The following MROH1 variants were observed in gnomAD, a reference collection of about 807,000 sequenced individuals.
MROH1 encodes maestro heat-like repeat-containing protein family member 1.
In MROH1, 117 loss-of-function variants were observed where a neutral mutation model predicts 116.5. The observed-to-expected ratio is 1.00, with a 90% CI of 0.86 to 1.17. The LOEUF is 1.17. MROH1 is among the 50% of genes most tolerant of loss of function. MROH1 has a pLI of 0.00. For synonymous variants in MROH1, 921 were observed against 583.9 expected, an observed-to-expected ratio of 1.58 and a Z score of -8.32; for missense variants, 1,873 against 1,338.5, an observed-to-expected ratio of 1.40 and a Z score of -6.23.
chr8:144,258,423 G>T (rs969385039), intron 35 of MROH1, among the ~76,000 whole-genome samples: 109 of 152,334 alleles, frequency 7.2e-4, no homozygotes, highest in Middle Eastern at 3.4e-3. Context: ...AACAGGCCCG[G>T]GGTGGGGGGC....
At chr8:144,258,681 G>A (rs1301372616) in intron 35 of MROH1, 96 bp from the exon 36 acceptor site, 8 of 699,090 alleles carry the variant, frequency 1.1e-5, no homozygotes, top group Non-Finnish European at 2.1e-5. Context: ...TAGCCACCAG[G>A]TGGGCAACAC....
intron 12 of MROH1, among the ~76,000 whole-genome samples, chr8:144,211,210 C>A (rs553776110): frequency 4.6e-5 from 7 of 152,184 alleles, no homozygotes; most frequent in South Asian, 2.1e-4. Context: ...CAAGCTCAGT[C>A]CCTTGGGCAA....
intron 1 of MROH1, among the ~76,000 whole-genome samples, chr8:144,156,568 G>T (rs1405639945): frequency 4.0e-5 from 6 of 151,504 alleles, no homozygotes; most frequent in African/African-American, 1.4e-4. Flanking sequence ...AATTAGCCAG[G>T]CGTGATGGTG....
At chr8:144,172,513 G>A (rs934681536) in intron 4 of MROH1, among the ~76,000 whole-genome samples, 1 of 151,350 alleles carries the variant, frequency 6.6e-6, no homozygotes, top group African/African-American at 2.4e-5. Context: ...CTGGGTTCAA[G>A]CGATTCTCCT....
At chr8:144,175,278 C>A in intron 4 of MROH1, 1 of 579,076 alleles carries the variant, frequency 1.7e-6, no homozygotes, top group Non-Finnish European at 2.2e-6. Flanking sequence ...CCTGCTGCAC[C>A]CAAGCTGCCC....
At chr8:144,242,840 G>A (rs1360467974) in intron 24 of MROH1, among the ~76,000 whole-genome samples, 2 of 152,198 alleles carry the variant, frequency 1.3e-5, no homozygotes, top group African/African-American at 4.8e-5. Flanking sequence ...AGGCGTCTGC[G>A]CCTCCGAGGG....
At chr8:144,175,664 C>A (rs1587895833) in intron 4 of MROH1, 1 of 553,396 alleles carries the variant, frequency 1.8e-6, no homozygotes, top group Non-Finnish European at 2.3e-6. Flanking sequence ...GGGCACACGC[C>A]TGTAATCCCA....
intron 12 of MROH1, among the ~76,000 whole-genome samples, chr8:144,209,602 A>G (rs532964142): frequency 6.6e-6 from 1 of 151,458 alleles, no homozygotes; most frequent in South Asian, 2.1e-4. Flanking sequence ...GAAAAAAGAA[A>G]AATCGTTAGT....
intron 3 of MROH1, among the ~76,000 whole-genome samples, chr8:144,164,297 C>T (rs543264836): frequency 1.3e-4 from 20 of 149,836 alleles, no homozygotes; most frequent in Non-Finnish European, 2.4e-4. Flanking sequence ...CCCAGCTACT[C>T]GGGAGGCTGA....
At chr8:144,192,508 G>T (rs1046855761) in intron 10 of MROH1, 107 bp downstream of exon 10, 11 of 910,466 alleles carry the variant, frequency 1.2e-5, no homozygotes, top group Non-Finnish European at 1.6e-5. Context: ...GCTCAGCCAC[G>T]TGGGGCTGAG....
chr8:144,240,358 C>T (rs1459866207), intron 19 of MROH1, among the ~76,000 whole-genome samples: 1 of 152,168 alleles, frequency 6.6e-6, no homozygotes, highest in Admixed American at 6.5e-5. Context: ...CTCTAGCAGT[C>T]GCAGCCCCAA....
chr8:144,169,458 A>ATTT lies in MROH1; in HGVS notation c.168+1028_168+1030dup, dbSNP rs5895786. Among the ~76,000 whole-genome samples, 1,351 of 144,700 alleles carry ATTT rather than the reference A, an allele frequency of 9.3e-3. 20 individuals are homozygous for ATTT. The highest frequency in any genetic ancestry group is 0.032 in the African/African-American group (1,275 of 39,338). 94.9% of individuals were successfully genotyped at this position (144,700 alleles called of 152,430 possible). A position where few individuals can be genotyped will look rare whatever the true frequency, so the allele number is the denominator to read the frequency against. ...ATAAATTTATTTATTCATTATTGTT[A>ATTT]TTTTTTTTTTTTGAGATGGAGTCTC... On this transcript the variant is annotated intron_variant, in intron 4 of 43. Transcript: ENST00000326134.
intron 28 of MROH1, 119 bp from the exon 29 acceptor site, chr8:144,245,037 C>A: frequency 1.3e-6 from 1 of 745,552 alleles, no homozygotes; most frequent in Non-Finnish European, 2.5e-6. Flanking sequence ...CCCGGCTTGG[C>A]CCCCTGTAGC....
intron 31 of MROH1, 67 bp downstream of exon 31, chr8:144,247,746 A>G (rs1842143995): frequency 2.8e-6 from 2 of 706,212 alleles, no homozygotes; most frequent in African/African-American, 3.5e-5. Flanking sequence ...GGGACTTCCG[A>G]GGTGGCACCT....
Position 144,234,886 on chromosome 8 carries a change from T to C in MROH1, c.1339-3870T>C, listed in dbSNP as rs1366725828. On this transcript the variant is annotated intron_variant, in intron 14 of 43. Coordinates refer to ENST00000326134, the MANE Select transcript of MROH1 (RefSeq NM_032450.3). Reference sequence around the variant, plus strand: ...TGTATAGAAAAACAATTATCCTTTTTCTTTCTTTTTTTTTTTTTTTTTTTG... The same window carrying C: ...TGTATAGAAAAACAATTATCCTTTTCCTTTCTTTTTTTTTTTTTTTTTTTG... Among the ~76,000 whole-genome samples, 15 of 118,406 alleles carry C rather than the reference T, an allele frequency of 1.3e-4. No individual in the cohort carries two copies. In the East Asian group the frequency reaches 2.5e-3, roughly 19 times the overall value. The allele number at this position is 118,406 out of a possible 152,430, so 77.7% of individuals were successfully genotyped here. A position where few individuals can be genotyped will look rare whatever the true frequency, so the allele number is the denominator to read the frequency against.
At chr8:144,261,609 A>C in intron 43 of MROH1, 46 bp from the exon 44 acceptor site, 2 of 701,706 alleles carry the variant, frequency 2.9e-6, no homozygotes, top group South Asian at 3.0e-5. Flanking sequence ...AGGCATGGGC[A>C]TGCCGAGGTC....
At chr8:144,249,690 C>T (rs898339229) in intron 32 of MROH1, among the ~76,000 whole-genome samples, 2 of 127,784 alleles carry the variant, frequency 1.6e-5, no homozygotes, top group East Asian at 4.6e-4. Context: ...GCAGGACAGT[C>T]GCAAACTCAC....
chr8:144,171,394 G>A (rs539572899), intron 4 of MROH1, among the ~76,000 whole-genome samples: 427 of 152,324 alleles, frequency 2.8e-3, no homozygotes, highest in Non-Finnish European at 4.6e-3. Context: ...GGGGAGGGGC[G>A]CGGAGCTCCC....
At chr8:144,219,952 G>A (rs1031403467) in intron 12 of MROH1, among the ~76,000 whole-genome samples, 2 of 152,180 alleles carry the variant, frequency 1.3e-5, no homozygotes, top group African/African-American at 4.8e-5. Flanking sequence ...CTGTGACATT[G>A]GGTTGTCGTG....
Sources: allele counts gnomAD v4.1 joint callset (sites outside exome capture counted in the v4.1 genomes callset), GRCh38; gene constraint gnomAD v4.1.1; transcripts MANE v1.5; gene names NCBI Gene and HGNC (gene_info 2026-07-23, HGNC 2026-07-21).